LOXL4: variants seen among roughly 807,000 people sequenced by gnomAD.
LOXL4 encodes lysyl oxidase like 4, also known as lysyl oxidase homolog 4.
In LOXL4, 72 loss-of-function variants were observed where a neutral mutation model predicts 89.1. The observed-to-expected ratio is 0.81, with a 90% CI of 0.67 to 0.98. The LOEUF (loss-of-function observed/expected upper bound fraction) is 0.98. Among genes scored for constraint, LOXL4 ranks in the 50% least tolerant of loss-of-function variants. The pLI, the probability that LOXL4 is intolerant of heterozygous loss-of-function variation, is 0.00. For synonymous variants in LOXL4, 355 were observed against 392.1 expected, an observed-to-expected ratio of 0.91 and a Z score of 1.12; for missense variants, 984 against 1,017.5, an observed-to-expected ratio of 0.97 and a Z score of 0.45.
At position 98,255,698 on chromosome 10, in the gene LOXL4, C is replaced by G; in HGVS notation, c.1470G>C (p.Val490=). ...FWSGTPRAQE[V]VMSGVRCSGT... is the part of the protein sequence containing the mutation. The stretch of plus-strand genomic sequence containing the variant: ...CTGAGCAGCGCACCCCACTCATCAC[C>G]ACCTCCTGGGCCCTTGGCGTCCCCG... The change falls in exon 10 of 15, where the codon GTG becomes GTC. Residue 490 remains valine (V), a synonymous_variant. Coordinates refer to ENST00000260702, the MANE Select transcript of LOXL4 (RefSeq NM_032211.7). The G allele has an allele frequency of 6.2e-6, 10 of 1,613,446 alleles. No individual in the cohort carries two copies. Among genetic ancestry groups the G allele is most frequent in the Non-Finnish European group, 8.5e-6 (10 of 1,179,424 alleles).
At chr10:98,256,272 G>A (rs946953452) in intron 9 of LOXL4, 13 of 188,244 alleles carry the variant, frequency 6.9e-5, no homozygotes, top group Non-Finnish European at 1.1e-4. Flanking sequence ...TTCTCACCTG[G>A]GCTACTACAA....
intron 9 of LOXL4, chr10:98,256,026 T>G (rs1288447015): frequency 6.2e-6 from 2 of 322,986 alleles, no homozygotes; most frequent in Non-Finnish European, 1.1e-5. Flanking sequence ...AGGGTCCTGT[T>G]CCCCGCCCCT....
chr10:98,262,270 C>A (rs1232287182), intron 2 of LOXL4, 57 bp from the exon 3 acceptor site: 1 of 1,579,546 alleles, frequency 6.3e-7, no homozygotes, highest in Non-Finnish European at 8.7e-7. Flanking sequence ...ACAGGCTCTG[C>A]CTCCTGCATA....
chr10:98,257,549 G>A (rs1211463782), intron 8 of LOXL4, 101 bp downstream of exon 8: 13 of 1,384,606 alleles, frequency 9.4e-6, no homozygotes, highest in Admixed American at 4.3e-5. Flanking sequence ...AGCGCTAGCC[G>A]CTCCTCCTGG....
At chr10:98,267,234 C>T (rs1454152625) in intron 1 of LOXL4, among the ~76,000 whole-genome samples, 2 of 152,014 alleles carry the variant, frequency 1.3e-5, no homozygotes, top group Non-Finnish European at 2.9e-5. Flanking sequence ...AAAGGAAGGC[C>T]GGGAGCCGAC....
At position 98,259,147 on chromosome 10, in the gene LOXL4, G is replaced by A; in HGVS notation, c.783C>T (p.Cys261=). The A allele has an allele frequency of 1.2e-6, 2 of 1,611,950 alleles. No individual in the cohort carries two copies. The highest frequency in any genetic ancestry group is 1.7e-6 in the Non-Finnish European group (2 of 1,179,680). The change falls in exon 6 of 15, where the codon TGC becomes TGT. Residue 261 remains cysteine (C), a synonymous_variant. Coordinates refer to ENST00000260702, the MANE Select transcript of LOXL4 (RefSeq NM_032211.7). The stretch of plus-strand genomic sequence containing the variant: ...CCCGGGCTGGAGCCACCTGCACCTG[G>A]CAGTTGGCCATGTGGGGCTCTGTCC... The part of the protein sequence containing the change: ...CLGTEPHMAN[C]QVQVAPARGK...
At chr10:98,250,926 C>T in intron 14 of LOXL4, 139 bp downstream of exon 14, 1 of 640,338 alleles carries the variant, frequency 1.6e-6, no homozygotes, top group Non-Finnish European at 2.8e-6. Flanking sequence ...AAAGGAAATG[C>T]ATCTCTGTTC....
In LOXL4 at chr10:98,256,954, T is replaced by C; in HGVS notation, c.1261-7A>G. The C allele has an allele frequency of 1.9e-6, 3 of 1,613,026 alleles. No individual in the cohort carries two copies. Among genetic ancestry groups the C allele is most frequent in the Non-Finnish European group, 2.5e-6 (3 of 1,179,440 alleles). On this transcript the variant is annotated splice_region_variant and splice_polypyrimidine_tract_variant and intron_variant, in intron 8 of 14. Coordinates refer to ENST00000260702, the MANE Select transcript of LOXL4 (RefSeq NM_032211.7). ...GCCCACCAGCCAAGCGCACCTGCAATGGCGAGGGGTGTGTGAGGAGTGGGG... is the reference window on the plus strand; with the variant it reads ...GCCCACCAGCCAAGCGCACCTGCAACGGCGAGGGGTGTGTGAGGAGTGGGG...
At chr10:98,265,371 C>CTATTTATTAT (rs1858655666) in intron 1 of LOXL4, among the ~76,000 whole-genome samples, 1 of 118,776 alleles carries the variant, frequency 8.4e-6, no homozygotes, top group Non-Finnish European at 1.8e-5. Flanking sequence ...TAACAATGAA[C>CTATTTATTAT]TATTATTATT....
At chr10:98,263,366 G>A (rs763584126) in intron 1 of LOXL4, among the ~76,000 whole-genome samples, 34 of 152,174 alleles carry the variant, frequency 2.2e-4, no homozygotes, top group Admixed American at 5.2e-4. Context: ...ATAAAACACC[G>A]TATGGAAAGT....
chr10:98,260,795 C>T (rs1451400045), intron 4 of LOXL4, 127 bp downstream of exon 4: 3 of 969,470 alleles, frequency 3.1e-6, no homozygotes, highest in Non-Finnish European at 3.1e-6. Flanking sequence ...TACTTACTTG[C>T]CCCTCACATG....
At chr10:98,256,672 TAA>T in intron 9 of LOXL4, 106 bp downstream of exon 9, 1 of 1,285,906 alleles carries the variant, frequency 7.8e-7, no homozygotes. Flanking sequence ...TTTCACTCAG[TAA>T]TGAATTGCCA....
At chr10:98,261,170 C>A (rs773817022) in intron 3 of LOXL4, 43 bp from the exon 4 acceptor site, 2 of 1,582,602 alleles carry the variant, frequency 1.3e-6, no homozygotes, top group Non-Finnish European at 1.7e-6. Flanking sequence ...GGCTCCTGCT[C>A]CTCCAGTGGA....
chr10:98,254,680 G>A (rs1030391893), intron 10 of LOXL4, among the ~76,000 whole-genome samples: 2 of 152,218 alleles, frequency 1.3e-5, no homozygotes, highest in African/African-American at 4.8e-5. Flanking sequence ...TTCAAGAAGA[G>A]CGCTCCCACT....
In LOXL4 at chr10:98,252,435, G is replaced by C. The variant is rs367592797; in HGVS notation, c.1869C>G (p.Tyr623Ter). ...TGGAGCCATTGAGAGTGAGGAGGTC[G>C]TAGTGGGTGAAGACCTCAATGCTGT... Reference protein sequence around the residue: ...HYHSIEVFTHYDLLTLNGSKV... With the variant: ...HYHSIEVFTH Residue 623 changes from tyrosine (Y) to a stop codon, truncating the protein, a stop_gained, in exon 12 of 15, where the codon TAC (tyrosine) becomes TAG (stop). Transcript: ENST00000260702. LOFTEE classifies it high-confidence loss of function. The C allele has an allele frequency of 6.8e-6, 11 of 1,613,970 alleles. No individual in the cohort carries two copies. The highest frequency in any genetic ancestry group is 7.6e-6 in the Non-Finnish European group (9 of 1,179,878).
At position 98,262,955 on chromosome 10, in the gene LOXL4, C is replaced by A; in HGVS notation, c.65G>T (p.Ser22Ile). The change falls in exon 2 of 15, where the codon AGC becomes ATC. Residue 22 changes from serine to isoleucine, a missense_variant. Transcript: ENST00000260702. Reference protein sequence around the residue: ...FLLLLGQPPPSRPQSLGTTKL... With the variant: ...FLLLLGQPPPIRPQSLGTTKL... ...AGTGGTGCCCAGTGACTGTGGCCTGCTGGGAGGGGGCTGGCCTAGCAGCAG... is the reference window on the plus strand; with the variant it reads ...AGTGGTGCCCAGTGACTGTGGCCTGATGGGAGGGGGCTGGCCTAGCAGCAG... The A allele has an allele frequency of 6.2e-7, 1 of 1,613,742 alleles. No homozygotes were observed. The highest frequency in any genetic ancestry group is 1.3e-5 in the African/African-American group (1 of 75,042).
intron 3 of LOXL4, 121 bp from the exon 4 acceptor site, chr10:98,261,248 G>C: frequency 9.6e-7 from 1 of 1,046,018 alleles, no homozygotes; most frequent in Non-Finnish European, 1.4e-6. Flanking sequence ...CACCCAGCCC[G>C]GTCATTGAAC....
At chr10:98,264,026 C>T (rs942893314) in intron 1 of LOXL4, among the ~76,000 whole-genome samples, 5 of 151,882 alleles carry the variant, frequency 3.3e-5, no homozygotes, top group Non-Finnish European at 4.4e-5. Context: ...CCACTGTGCC[C>T]GGCCCTGACT....
rs1858587133 is a variant in LOXL4 at position 98,262,885 on chromosome 10, G to A, written c.135C>T (p.Arg45=). 4.3e-6 allele frequency: 7 copies of A among 1,613,732 alleles called. No homozygotes were observed. Among genetic ancestry groups the A allele is most frequent in the Non-Finnish European group, 5.9e-6 (7 of 1,180,044 alleles). Residue 45 remains arginine (R), a synonymous_variant, in exon 2 of 15, where the codon CGC becomes CGT. Transcript: ENST00000260702. ...ACTGGCCCTGGTGCAGCACCTCCAG[G>A]CGGCCCTCCTCTGGCTTGCTCTCTG... is the stretch of plus-strand genomic sequence containing the variant. ...VGPESKPEEG[R]LEVLHQGQWG... is the part of the protein sequence containing the mutation.
Sources: allele counts gnomAD v4.1 joint callset (sites outside exome capture counted in the v4.1 genomes callset), GRCh38; gene constraint gnomAD v4.1.1; transcripts MANE v1.5; gene names NCBI Gene and HGNC (gene_info 2026-07-23, HGNC 2026-07-21).